The following RALA variants were observed in gnomAD, a reference collection of about 807,000 sequenced individuals.
The protein encoded by RALA is RAS like proto-oncogene A.
A neutral mutation model predicts 24.0 loss-of-function variants in RALA; 5 were observed. That is an observed-to-expected ratio of 0.21 (90% CI 0.11 to 0.44). RALA has a LOEUF of 0.44. RALA is among the 20% of genes least tolerant of loss of function. The pLI is 0.99. For synonymous variants in RALA, 77 were observed against 83.8 expected (o/e 0.92, Z 0.44); for missense variants, 95 against 241.2 (o/e 0.39, Z 4.01).
intron 1 of RALA, among the ~76,000 whole-genome samples, chr7:39,672,312 C>A (rs1245633840): frequency 6.6e-6 from 1 of 152,128 alleles, no homozygotes; most frequent in Non-Finnish European, 1.5e-5. Flanking sequence ...AAGAGCTCAA[C>A]ATGATTAGTT....
intron 1 of RALA, among the ~76,000 whole-genome samples, chr7:39,670,913 A>G (rs1033428266): frequency 3.3e-5 from 5 of 151,706 alleles, no homozygotes; most frequent in African/African-American, 9.7e-5. Flanking sequence ...CCTTACAGTA[A>G]CTCTTCTCTC....
chr7:39,692,843 A>G (rs1193897534), intron 3 of RALA, among the ~76,000 whole-genome samples: 1 of 152,214 alleles, frequency 6.6e-6, no homozygotes. Flanking sequence ...TCACCTTCCA[A>G]GTGGTGAGAC....
At chr7:39,676,238 G>A (rs535980111) in intron 1 of RALA, among the ~76,000 whole-genome samples, 11 of 152,266 alleles carry the variant, frequency 7.2e-5, no homozygotes, top group Non-Finnish European at 1.6e-4. Context: ...GCCTCCCAAA[G>A]TGCTGGGATT....
At chr7:39,696,887 C>T in intron 4 of RALA, 28 bp downstream of exon 4, 2 of 1,584,296 alleles carry the variant, frequency 1.3e-6, no homozygotes, top group Non-Finnish European at 1.7e-6. Context: ...ACTACTGCAT[C>T]ATGTTAAAAT....
chr7:39,653,247 C>T (rs1792048376), intron 1 of RALA, among the ~76,000 whole-genome samples: 1 of 152,114 alleles, frequency 6.6e-6, no homozygotes, highest in Non-Finnish European at 1.5e-5. Flanking sequence ...TCAGGCTGGT[C>T]TCAAACTCCT....
rs571455780 is a variant in RALA, at chr7:39,629,406, C to CTTTCT, written c.-38+5595_-38+5599dup. 3.8e-4 allele frequency among the ~76,000 whole-genome samples: 58 copies of CTTTCT among 152,132 alleles called. 1 individual carries two copies. The highest frequency in any genetic ancestry group is 3.7e-3 in the Admixed American group (57 of 15,276). ...TTTTATTGTTCATATTATTTGCTCA[C>CTTTCT]TTTCTTTTCTTTTCTTTTTCCTTTT... On this transcript the variant is annotated intron_variant, in intron 1 of 4. Transcript: ENST00000005257.
rs961184755 is a variant in RALA, at chr7:39,706,906, G to T, written c.*661G>T. On this transcript the variant is annotated 3_prime_UTR_variant, in exon 5 of 5. Coordinates refer to ENST00000005257, the MANE Select transcript of RALA (RefSeq NM_005402.4). ...TGGGTGTGTTCTTACTGACACCAGG[G>T]GTCCGCTGCCCCATGTGTCCTGGTG... 6.6e-6 allele frequency: 1 copy of T among 152,570 alleles called. No individual in the cohort carries two copies. Among genetic ancestry groups the T allele is most frequent in the Non-Finnish European group, 1.5e-5 (1 of 68,056 alleles). 9.5% of individuals were successfully genotyped at this position (152,570 alleles called of 1,614,324 possible).
At chr7:39,664,500 A>C (rs1452139077) in intron 1 of RALA, among the ~76,000 whole-genome samples, 1 of 152,154 alleles carries the variant, frequency 6.6e-6, no homozygotes, top group Non-Finnish European at 1.5e-5. Context: ...ACTTGCCACC[A>C]AACACTACGT....
intron 1 of RALA, among the ~76,000 whole-genome samples, chr7:39,665,981 ATAAT>A (rs1460567831): frequency 1.3e-5 from 2 of 152,152 alleles, no homozygotes; most frequent in South Asian, 2.1e-4. Flanking sequence ...GTTTCATGAG[ATAAT>A]TAAGTACGCA....
At chr7:39,650,174 A>G (rs1791996515) in intron 1 of RALA, among the ~76,000 whole-genome samples, 1 of 152,186 alleles carries the variant, frequency 6.6e-6, no homozygotes, top group Admixed American at 6.5e-5. Flanking sequence ...GCTAGAGGGA[A>G]TGAGATCGGC....
chr7:39,663,629 TAA>T (rs545716511), intron 1 of RALA, among the ~76,000 whole-genome samples: 16 of 137,890 alleles, frequency 1.2e-4, no homozygotes, highest in Non-Finnish European at 7.9e-5. Flanking sequence ...AGGGACATTG[TAA>T]AAAAAAAAAA....
chr7:39,681,744 A>G lies in RALA; in HGVS notation c.-37-4887A>G, dbSNP rs534740573. Among the ~76,000 whole-genome samples, 183 of 152,180 alleles carry G rather than the reference A, an allele frequency of 1.2e-3. 1 individual carries two copies. Among genetic ancestry groups the G allele is most frequent in the African/African-American group, 4.0e-3 (168 of 41,538 alleles). On this transcript the variant is annotated intron_variant, in intron 1 of 4. Transcript: ENST00000005257. ...AAGCTCATGCCATTTTGTGACTTCA[A>G]ATATCATCTGTAAACTGACGTGCAA... is the stretch of plus-strand genomic sequence containing the variant.
chr7:39,629,181 C>G (rs1242745898), intron 1 of RALA, among the ~76,000 whole-genome samples: 1 of 152,142 alleles, frequency 6.6e-6, no homozygotes, highest in Non-Finnish European at 1.5e-5. Context: ...TGGGGTTATA[C>G]TATTTTGCAT....
intron 1 of RALA, among the ~76,000 whole-genome samples, chr7:39,668,683 A>G (rs1583731756): frequency 6.6e-6 from 1 of 151,698 alleles, no homozygotes; most frequent in East Asian, 1.9e-4. Context: ...CTGTAATCCC[A>G]GCTACTCGGG....
intron 1 of RALA, among the ~76,000 whole-genome samples, chr7:39,684,186 AT>A (rs1398428133): frequency 6.6e-5 from 10 of 152,152 alleles, no homozygotes; most frequent in Non-Finnish European, 1.3e-4. Context: ...GAGTGGCTGA[AT>A]TTGTGTTTGT....
At chr7:39,628,648 C>G (rs1562605193) in intron 1 of RALA, among the ~76,000 whole-genome samples, 1 of 152,186 alleles carries the variant, frequency 6.6e-6, no homozygotes, top group Non-Finnish European at 1.5e-5. Context: ...CTCCACCTCC[C>G]AGGTTCAAGC....
intron 1 of RALA, among the ~76,000 whole-genome samples, chr7:39,647,720 A>G (rs924428476): frequency 2.6e-5 from 4 of 152,162 alleles, no homozygotes; most frequent in Non-Finnish European, 2.9e-5. Context: ...AAAGACCCCA[A>G]AGAGATCCCT....
intron 1 of RALA, among the ~76,000 whole-genome samples, chr7:39,629,859 T>A (rs1219057957): frequency 6.6e-6 from 1 of 152,060 alleles, no homozygotes; most frequent in Non-Finnish European, 1.5e-5. Flanking sequence ...CCTCCAAAAG[T>A]GTTGGGATTA....
At chr7:39,633,263 T>C (rs1185440903) in intron 1 of RALA, among the ~76,000 whole-genome samples, 1 of 152,176 alleles carries the variant, frequency 6.6e-6, no homozygotes, top group Non-Finnish European at 1.5e-5. Context: ...TACCCGAGAA[T>C]GGGTAATTTA....
Sources: gnomAD v4.1 joint callset for allele counts (sites outside exome capture counted in the v4.1 genomes callset) on GRCh38, gnomAD v4.1.1 for gene constraint, MANE v1.5 for transcripts, NCBI Gene and HGNC (gene_info 2026-07-23, HGNC 2026-07-21) for gene names.